Variants in ESR1 observed in about 807,000 individuals in gnomAD.
ESR1 encodes the protein estrogen receptor.
In ESR1, 12 loss-of-function variants were observed where a neutral mutation model predicts 52.7. The ratio of observed to expected loss-of-function variants is 0.23; its 90% CI spans 0.15 to 0.37. The LOEUF is 0.37. ESR1 is among the 10% of genes least tolerant of loss of function. ESR1 has a pLI of 1.00. For missense variants in ESR1, 584 were observed against 779.7 expected, an observed-to-expected ratio of 0.75 and a Z score of 2.99; for synonymous variants, 305 against 316.8, an observed-to-expected ratio of 0.96 and a Z score of 0.39.
intron 6 of ESR1, among the ~76,000 whole-genome samples, chr6:152,090,678 G>T (rs2050110162): frequency 6.6e-6 from 1 of 152,178 alleles, no homozygotes; most frequent in South Asian, 2.1e-4. Flanking sequence ...GGGTTCCTCT[G>T]GGGTGGAGAT....
chr6:151,705,033 A>G (rs1025094839), intron 2 of ESR1, among the ~76,000 whole-genome samples: 2 of 151,918 alleles, frequency 1.3e-5, no homozygotes, highest in Non-Finnish European at 1.5e-5. Flanking sequence ...CTTGTCATCC[A>G]TTGAATGAGG....
In ESR1 at chr6:151,976,659, C is replaced by T. The variant is rs538388110; in HGVS notation, c.1096+32151C>T. ...GCTGTTATTATTTGTCCTATTTAGA[C>T]AAACAGAACATAGAATTAATAAGAA... On this transcript the variant is annotated intron_variant, in intron 4 of 7. Coordinates refer to ENST00000206249, the MANE Select transcript of ESR1 (RefSeq NM_000125.4). Among the ~76,000 whole-genome samples, 191 of 152,138 alleles carry T rather than the reference C, an allele frequency of 1.3e-3. 1 individual carries two copies. The Middle Eastern group carries it at 0.031, about 24-fold the overall frequency.
upstream of ESR1, among the ~76,000 whole-genome samples, chr6:151,804,237 T>C (rs1562419792): frequency 1.3e-5 from 2 of 152,214 alleles, no homozygotes; most frequent in African/African-American, 4.8e-5. Flanking sequence ...TTAAGAAAAC[T>C]GCCTTTACTG....
At chr6:151,814,126 C>T (rs563456229) in intron 1 of ESR1, 2 of 152,392 alleles carry the variant, frequency 1.3e-5, no homozygotes, top group African/African-American at 4.8e-5. Context: ...TTGTGCTTAC[C>T]TGGCACTACT....
chr6:151,838,036 G>A (rs1378691288), intron 1 of ESR1, among the ~76,000 whole-genome samples: 1 of 152,076 alleles, frequency 6.6e-6, no homozygotes, highest in Admixed American at 6.5e-5. Flanking sequence ...CTCTCACTCT[G>A]TCTCCCAGGC....
At chr6:151,954,968 C>T (rs1420160618) in intron 4 of ESR1, among the ~76,000 whole-genome samples, 1 of 151,870 alleles carries the variant, frequency 6.6e-6, no homozygotes, top group Non-Finnish European at 1.5e-5. Context: ...GTGGGAGGGT[C>T]CACTGAACCT....
chr6:151,713,438 G>A (rs1780778381), intron 2 of ESR1, among the ~76,000 whole-genome samples: 1 of 152,142 alleles, frequency 6.6e-6, no homozygotes, highest in Admixed American at 6.5e-5. Flanking sequence ...TGTACCTCTG[G>A]TAGAATTCGG....
rs553044930 is a variant in ESR1, at chr6:151,983,187, A to G, written c.1097-28469A>G. ...GTGCTATAATAGACTCATGAACTGG[A>G]AGCTCCGGGAAGTTAAGAATGGGAT... On this transcript the variant is annotated intron_variant, in intron 4 of 7. Transcript: ENST00000206249. Among the ~76,000 whole-genome samples, 3 of 152,240 alleles carry G rather than the reference A, an allele frequency of 2.0e-5. No homozygotes were observed. The South Asian group carries it at 6.2e-4, about 32-fold the overall frequency.
At position 151,769,779 on chromosome 6, in the gene ESR1, C is replaced by T. The variant is rs1401735079; in HGVS notation, c.-70-38064C>T. Among the ~76,000 whole-genome samples, 3 of 152,166 alleles carry T rather than the reference C, an allele frequency of 2.0e-5. No individual in the cohort carries two copies. The East Asian group carries it at 5.8e-4, about 29-fold the overall frequency. On this transcript the variant is annotated intron_variant, in intron 2 of 2. Coordinates refer to the ESR1 transcript ENST00000404742. ...TCCATTCCCATCAATCGATAAGCTT[C>T]AGAGGAAATAAGAGTGTAAGATTTT... is the stretch of plus-strand genomic sequence containing the variant.
At chr6:151,823,514 C>T (rs911411488) in intron 1 of ESR1, among the ~76,000 whole-genome samples, 1 of 151,918 alleles carries the variant, frequency 6.6e-6, no homozygotes, top group Non-Finnish European at 1.5e-5. Context: ...GGTACATGTG[C>T]ACAATGTGCA....
At chr6:151,810,264 G>A (rs1778593118) in intron 1 of ESR1, among the ~76,000 whole-genome samples, 1 of 151,902 alleles carries the variant, frequency 6.6e-6, no homozygotes, top group South Asian at 2.1e-4. Flanking sequence ...AATAAAAAAA[G>A]AGACAAGGAA....
At chr6:151,986,024 T>A (rs2128695776) in intron 4 of ESR1, among the ~76,000 whole-genome samples, 1 of 152,262 alleles carries the variant, frequency 6.6e-6, no homozygotes, top group East Asian at 1.9e-4. Context: ...TTAGACATAA[T>A]AAGTTAATCT....
exon 7 of ESR1, chr6:152,126,334 C>T (rs1049390907): frequency 2.6e-5 from 4 of 152,174 alleles, no homozygotes; most frequent in African/African-American, 4.8e-5. Flanking sequence ...TATCAAGAAG[C>T]TAATGGTCCC....
rs373332363 is a variant in ESR1, at chr6:152,059,119, G to A, written c.1236-1872G>A. On this transcript the variant is annotated intron_variant, in intron 5 of 7. Coordinates refer to ENST00000206249, the MANE Select transcript of ESR1 (RefSeq NM_000125.4). ...TCCCCAAAAATGGTTGCACAACATT[G>A]TGAATATACTGAAATCCATTGAATC... 9.3e-4 allele frequency among the ~76,000 whole-genome samples: 142 copies of A among 152,210 alleles called. 2 individuals carry two copies. In the South Asian group the frequency reaches 0.014, roughly 15 times the overall value.
At chr6:151,774,270 A>G (rs568848617) in intron 2 of ESR1, among the ~76,000 whole-genome samples, 1 of 152,352 alleles carries the variant, frequency 6.6e-6, no homozygotes, top group South Asian at 2.1e-4. Context: ...TCACATTGAA[A>G]GGTTCCATTT....
intron 5 of ESR1, among the ~76,000 whole-genome samples, chr6:152,035,609 G>C (rs2982709): frequency 0.071 from 10,821 of 152,056 alleles, 410 homozygotes; most frequent in Middle Eastern, 0.12. Context: ...AAATGCTCTT[G>C]GAAGATGAAA....
At chr6:151,838,624 G>A (rs1052131310) in intron 1 of ESR1, among the ~76,000 whole-genome samples, 2 of 152,286 alleles carry the variant, frequency 1.3e-5, no homozygotes, top group South Asian at 2.1e-4. Flanking sequence ...GAGGAAGACC[G>A]CTCTTGCCTT....
rs140102192 is a variant in ESR1 at position 151,826,033 on chromosome 6, G to T, written c.453-16564G>T. On this transcript the variant is annotated intron_variant, in intron 1 of 7. Transcript: ENST00000206249. The stretch of plus-strand genomic sequence containing the variant: ...GTAACAGCTGAGTGATTTTGCCCCA[G>T]TTGGACATGAGCCAGGTTGAGCAGA... 7.2e-5 allele frequency among the ~76,000 whole-genome samples: 11 copies of T among 152,020 alleles called. No homozygotes were observed. The East Asian group carries it at 2.1e-3, about 30-fold the overall frequency.
At chr6:152,067,358 A>C (rs913803058) in intron 6 of ESR1, among the ~76,000 whole-genome samples, 1 of 152,166 alleles carries the variant, frequency 6.6e-6, no homozygotes, top group African/African-American at 2.4e-5. Context: ...AAATCCTTGC[A>C]CTGTTCTAGA....
Sources: allele counts gnomAD v4.1 joint callset (sites outside exome capture counted in the v4.1 genomes callset), GRCh38; gene constraint gnomAD v4.1.1; transcripts MANE v1.5; gene names NCBI Gene and HGNC (gene_info 2026-07-23, HGNC 2026-07-21).